The following ZNF804A variants were observed in gnomAD, a reference collection of about 807,000 sequenced individuals.
ZNF804A encodes the protein zinc finger protein 804A.
ZNF804A carries 2 observed loss-of-function variants against 16.5 expected under a neutral mutation model. That is an observed-to-expected ratio of 0.12 (90% CI 0.05 to 0.38). The LOEUF (loss-of-function observed/expected upper bound fraction) is 0.38, where lower values mean the gene tolerates loss of function less well. ZNF804A is among the 10% of genes least tolerant of loss of function. ZNF804A has a pLI of 0.99. For synonymous variants in ZNF804A, 534 were observed against 489.6 expected, an observed-to-expected ratio of 1.09 and a Z score of -1.20; for missense variants, 1,473 against 1,390.7, an observed-to-expected ratio of 1.06 and a Z score of -0.94.
At chr2:184,652,242 C>T (rs1691997575) in intron 1 of ZNF804A, among the ~76,000 whole-genome samples, 1 of 151,888 alleles carries the variant, frequency 6.6e-6, no homozygotes, top group Non-Finnish European at 1.5e-5. Context: ...ATATTGGGTA[C>T]TCATGAACAT....
chr2:184,666,198 G>A (rs1024696732), intron 1 of ZNF804A, among the ~76,000 whole-genome samples: 2 of 151,980 alleles, frequency 1.3e-5, no homozygotes, highest in African/African-American at 4.8e-5. Flanking sequence ...AGCAATTTCA[G>A]TATATAAGAA....
intron 1 of ZNF804A, among the ~76,000 whole-genome samples, chr2:184,676,435 T>A (rs184588260): frequency 6.6e-6 from 1 of 151,648 alleles, no homozygotes; most frequent in African/African-American, 2.4e-5. Context: ...AAAAATAGTT[T>A]AACATATTAT....
At chr2:184,828,510 A>G (rs1275482761) in intron 1 of ZNF804A, among the ~76,000 whole-genome samples, 5 of 151,200 alleles carry the variant, frequency 3.3e-5, no homozygotes, top group African/African-American at 1.2e-4. Context: ...AAATTTCCAA[A>G]TTTTCCTTCA....
chr2:184,884,006 A>G (rs1684850413), intron 2 of ZNF804A, among the ~76,000 whole-genome samples: 2 of 152,102 alleles, frequency 1.3e-5, no homozygotes, highest in Admixed American at 6.6e-5. Context: ...AGCAAAAGAG[A>G]AAGTCAAACT....
chr2:184,930,565 A>C (rs1574275513), intron 2 of ZNF804A, among the ~76,000 whole-genome samples: 1 of 152,196 alleles, frequency 6.6e-6, no homozygotes, highest in Non-Finnish European at 1.5e-5. Context: ...TTTTAAGCTT[A>C]AACTATGTCA....
intron 1 of ZNF804A, among the ~76,000 whole-genome samples, chr2:184,779,992 T>G (rs1441394307): frequency 6.6e-6 from 1 of 151,766 alleles, no homozygotes; most frequent in Non-Finnish European, 1.5e-5. Context: ...AATTTTTGTA[T>G]TAGATACCAT....
intron 1 of ZNF804A, 72 bp from the exon 2 acceptor site, chr2:184,866,297 T>A: frequency 1.4e-6 from 2 of 1,464,752 alleles, no homozygotes; most frequent in Non-Finnish European, 1.9e-6. Flanking sequence ...TGTACTATAG[T>A]TGACAACTGC....
At chr2:184,713,754 G>A (rs924303072) in intron 1 of ZNF804A, among the ~76,000 whole-genome samples, 4 of 151,876 alleles carry the variant, frequency 2.6e-5, no homozygotes, top group East Asian at 1.9e-4. Context: ...TAGTAACTAC[G>A]TGCTAGCTAG....
At chr2:184,675,027 T>C (rs1460275842) in intron 1 of ZNF804A, among the ~76,000 whole-genome samples, 2 of 151,810 alleles carry the variant, frequency 1.3e-5, no homozygotes, top group African/African-American at 2.4e-5. Context: ...GTTATGTATA[T>C]ACGTATGTGC....
chr2:184,920,941 T>C (rs1685520034), intron 2 of ZNF804A, among the ~76,000 whole-genome samples: 1 of 152,230 alleles, frequency 6.6e-6, no homozygotes, highest in Non-Finnish European at 1.5e-5. Flanking sequence ...ATGCAGACCA[T>C]GGAATAAATG....
At chr2:184,920,730 C>A (rs901856713) in intron 2 of ZNF804A, among the ~76,000 whole-genome samples, 1 of 152,128 alleles carries the variant, frequency 6.6e-6, no homozygotes, top group African/African-American at 2.4e-5. Context: ...ACCCCAGGGA[C>A]AAGAAACTGC....
Position 184,939,031 on chromosome 2 carries a change from C to T in ZNF804A, c.*5C>T, listed in dbSNP as rs1453258532. Reference sequence around the variant, plus strand: ...CCTTTGCAACCTCTCTTCTAGTCATCACCATAATGGGAAAAAAATACTCTT... The same window carrying T: ...CCTTTGCAACCTCTCTTCTAGTCATTACCATAATGGGAAAAAAATACTCTT... On this transcript the variant is annotated 3_prime_UTR_variant, in exon 4 of 4. Coordinates refer to ENST00000302277, the MANE Select transcript of ZNF804A (RefSeq NM_194250.2). The T allele has an allele frequency of 6.2e-7, 1 of 1,611,346 alleles. No individual in the cohort carries two copies. Among genetic ancestry groups the T allele is most frequent in the Admixed American group, 1.7e-5 (1 of 59,818 alleles).
At chr2:184,641,546 T>C (rs1421021311) in intron 1 of ZNF804A, among the ~76,000 whole-genome samples, 1 of 152,228 alleles carries the variant, frequency 6.6e-6, no homozygotes, top group East Asian at 1.9e-4. Flanking sequence ...TTACATTTTA[T>C]CATATTTAAA....
chr2:184,642,734 A>C (rs149878034), intron 1 of ZNF804A, among the ~76,000 whole-genome samples: 3 of 152,272 alleles, frequency 2.0e-5, no homozygotes, highest in Non-Finnish European at 2.9e-5. Context: ...CATTTTAAGG[A>C]TAACAATTAT....
chr2:184,714,012 C>T (rs11690860), intron 1 of ZNF804A, among the ~76,000 whole-genome samples: 149,370 of 152,092 alleles, frequency 0.98, 73,396 homozygotes, highest in Non-Finnish European at 1. Flanking sequence ...TTAAAAACAC[C>T]GGTACAGAGA....
chr2:184,833,134 ACT>A (rs1695291082), intron 1 of ZNF804A, among the ~76,000 whole-genome samples: 1 of 151,914 alleles, frequency 6.6e-6, no homozygotes, highest in South Asian at 2.1e-4. Flanking sequence ...AAAGTTTTCT[ACT>A]CTCACACTTA....
chr2:184,834,224 G>A (rs1013807692), intron 1 of ZNF804A, among the ~76,000 whole-genome samples: 1 of 151,954 alleles, frequency 6.6e-6, no homozygotes, highest in Non-Finnish European at 1.5e-5. Flanking sequence ...AATAATAACT[G>A]TTTATTTGAT....
At chr2:184,736,861 T>C (rs1432246431) in intron 1 of ZNF804A, among the ~76,000 whole-genome samples, 5 of 151,560 alleles carry the variant, frequency 3.3e-5, no homozygotes, top group Non-Finnish European at 4.4e-5. Context: ...ATTTCTTCTT[T>C]TTTTTTTTTT....
intron 1 of ZNF804A, among the ~76,000 whole-genome samples, chr2:184,680,538 C>A (rs983601977): frequency 6.6e-6 from 1 of 152,264 alleles, no homozygotes; most frequent in South Asian, 2.1e-4. Flanking sequence ...GCAGAAAAGA[C>A]TGTGCATCTC....
Sources: gnomAD v4.1 joint callset for allele counts (sites outside exome capture counted in the v4.1 genomes callset) on GRCh38, gnomAD v4.1.1 for gene constraint, MANE v1.5 for transcripts, NCBI Gene and HGNC (gene_info 2026-07-23, HGNC 2026-07-21) for gene names.